The following ACSM4 variants were observed in gnomAD, a reference collection of about 807,000 sequenced individuals.
The protein encoded by ACSM4 is acyl-coenzyme A synthetase ACSM4, mitochondrial.
Under a neutral mutation model 73.0 loss-of-function variants are expected in ACSM4, and 66 were observed. The observed-to-expected ratio is 0.90, with a 90% confidence interval of 0.74 to 1.11. The LOEUF is 1.11. Among genes scored for constraint, ACSM4 ranks in the 50% least tolerant of loss-of-function variants. The pLI is 0.00. For missense variants in ACSM4, 645 were observed against 714.4 expected, an observed-to-expected ratio of 0.90 and a Z score of 1.11; for synonymous variants, 222 against 254.0, an observed-to-expected ratio of 0.87 and a Z score of 1.20.
At chr12:7,310,452 G>A (rs756083153) in intron 2 of ACSM4, 87 bp from the exon 3 acceptor site, 25 of 1,298,322 alleles carry the variant, frequency 1.9e-5, no homozygotes, top group Non-Finnish European at 2.6e-5. Context: ...AATGGATTGT[G>A]ATGCTTCTCC....
In ACSM4 at chr12:7,322,452, G is replaced by A. The variant is rs756182664; in HGVS notation, c.1036G>A (p.Gly346Arg). ...CAAGAGTCTGCGGCACTGCTTGACC[G>A]GAGGGGAGCCACTCAACCCAGAAGT... Reference protein sequence around the residue: ...KFKSLRHCLTGGEPLNPEVLE... With the variant: ...KFKSLRHCLTRGEPLNPEVLE... Residue 346 changes from glycine to arginine, a missense_variant, in exon 7 of 13, where the codon GGA becomes AGA. Physicochemically the swap from Gly to Arg is moderately radical, Grantham distance 125. Coordinates refer to ENST00000399422, the MANE Select transcript of ACSM4 (RefSeq NM_001080454.2). The A allele has an allele frequency of 1.6e-5, 26 of 1,613,728 alleles. No individual in the cohort carries two copies. The highest frequency in any genetic ancestry group is 4.5e-5 in the East Asian group (2 of 44,870).
rs1287866844 is a variant in ACSM4 at position 7,310,670 on chromosome 12, T to C, written c.544T>C (p.Cys182Arg). 1.2e-6 allele frequency: 2 copies of C among 1,613,302 alleles called. No individual in the cohort carries two copies. Among genetic ancestry groups the C allele is most frequent in the Non-Finnish European group, 1.7e-6 (2 of 1,179,720 alleles). ...APAVESIVLECPDLKTKLLVS... is the reference protein window; with the variant it reads ...APAVESIVLERPDLKTKLLVS... ...AGCGGTGGAGTCCATTGTATTGGAG[T>C]GTCCTGACCTTAAGACAAAACTCCT... Residue 182 changes from cysteine (C) to arginine (R), a missense_variant, in exon 3 of 13, where the codon TGT (cysteine) becomes CGT (arginine). By Grantham distance (180) the Cys-to-Arg change is radical (BLOSUM62 -3). Transcript: ENST00000399422.
chr12:7,310,483 A>T, intron 2 of ACSM4, 56 bp from the exon 3 acceptor site: 1 of 1,517,110 alleles, frequency 6.6e-7, no homozygotes, highest in Non-Finnish European at 8.9e-7. Flanking sequence ...ACAAAGCCCA[A>T]GTCTTCCACA....
intron 11 of ACSM4, among the ~76,000 whole-genome samples, chr12:7,325,463 A>T (rs938046869): frequency 6.6e-6 from 1 of 152,228 alleles, no homozygotes; most frequent in Non-Finnish European, 1.5e-5. Flanking sequence ...CCTGGCCAAC[A>T]TGGTGAAACC....
intron 6 of ACSM4, among the ~76,000 whole-genome samples, chr12:7,321,303 G>A (rs745313621): frequency 6.6e-6 from 1 of 152,260 alleles, no homozygotes; most frequent in African/African-American, 2.4e-5. Context: ...TGACTTGAAG[G>A]TCATATTCAA....
intron 2 of ACSM4, among the ~76,000 whole-genome samples, chr12:7,309,199 G>A (rs11050087): frequency 0.42 from 63,235 of 152,026 alleles, 14,482 homozygotes; most frequent in Non-Finnish European, 0.52. Flanking sequence ...ATGAAATGAG[G>A]AGGTGAGATA....
chr12:7,317,926 C>A, intron 4 of ACSM4, 100 bp from the exon 5 acceptor site: 1 of 1,295,866 alleles, frequency 7.7e-7, no homozygotes, highest in Non-Finnish European at 1.1e-6. Flanking sequence ...TTCTCTGTAG[C>A]CCTTAAGATA....
chr12:7,323,461 T>G lies in ACSM4; in HGVS notation c.1209T>G (p.Ile403Met). The change falls in exon 9 of 13, where the codon ATT (isoleucine) becomes ATG (methionine). Residue 403 changes from isoleucine (I) to methionine (M), a missense_variant and splice_region_variant. Ile to Met is a conservative substitution (Grantham distance 10, BLOSUM62 1). Coordinates refer to ENST00000399422, the MANE Select transcript of ACSM4 (RefSeq NM_001080454.2). ...GKGMLPYDVQ[I>M]IDENGNVLPP... ...ATCAATTATTTCTTTCATTCCAGAT[T>G]ATAGATGAAAATGGCAATGTTCTAC... 1 of 1,613,708 alleles carries G rather than the reference T, an allele frequency of 6.2e-7. No homozygotes were observed. Among genetic ancestry groups the G allele is most frequent in the Admixed American group, 1.7e-5 (1 of 60,016 alleles).
chr12:7,317,041 T>C, intron 3 of ACSM4, 96 bp from the exon 4 acceptor site: 1 of 1,412,146 alleles, frequency 7.1e-7, no homozygotes, highest in Non-Finnish European at 9.5e-7. Flanking sequence ...AACTATCTTC[T>C]GGTAGCAAGA....
intron 1 of ACSM4, among the ~76,000 whole-genome samples, chr12:7,305,487 A>G (rs1946356816): frequency 6.6e-6 from 1 of 152,244 alleles, no homozygotes; most frequent in Non-Finnish European, 1.5e-5. Context: ...AAGATTGAGA[A>G]ATACTGACCT....
chr12:7,317,036 T>C (rs1245767239), intron 3 of ACSM4, 101 bp from the exon 4 acceptor site: 8 of 1,397,234 alleles, frequency 5.7e-6, no homozygotes, highest in Non-Finnish European at 1.9e-6. Flanking sequence ...CTGTTAACTA[T>C]CTTCTGGTAG....
intron 2 of ACSM4, among the ~76,000 whole-genome samples, chr12:7,307,184 G>A (rs1946367088): frequency 6.6e-6 from 1 of 152,190 alleles, no homozygotes. Flanking sequence ...AACCCGGGAG[G>A]TGGAGGTTTC....
At chr12:7,307,901 T>A (rs938438834) in intron 2 of ACSM4, among the ~76,000 whole-genome samples, 2 of 152,202 alleles carry the variant, frequency 1.3e-5, no homozygotes, top group Non-Finnish European at 2.9e-5. Context: ...TAAATGTTTA[T>A]AAGTCAATTA....
At chr12:7,306,785 G>T (rs761292569) in intron 2 of ACSM4, 42 bp downstream of exon 2, 2 of 1,527,420 alleles carry the variant, frequency 1.3e-6, no homozygotes, top group East Asian at 4.9e-5. Flanking sequence ...CAAACACAGA[G>T]AGACTGAAAC....
chr12:7,317,256 G>A lies in ACSM4; in HGVS notation c.740G>A (p.Gly247Asp), dbSNP rs774685519. ...GCCCAGCACTCTCAGAGCAGCCTCG[G>A]CATTGGGTTCACCCTCTGCGGAAGG... ...KMAQHSQSSL[G>D]IGFTLCGRYW... Residue 247 changes from glycine (G) to aspartate (D), a missense_variant, in exon 4 of 13, where the codon GGC (glycine) becomes GAC (aspartate). Physicochemically the swap from Gly to Asp is moderately conservative, Grantham distance 94. Coordinates refer to ENST00000399422, the MANE Select transcript of ACSM4 (RefSeq NM_001080454.2). The A allele has an allele frequency of 6.3e-7, 1 of 1,584,848 alleles. No individual in the cohort carries two copies. Among genetic ancestry groups the A allele is most frequent in the Non-Finnish European group, 8.6e-7 (1 of 1,165,160 alleles).
chr12:7,327,595 A>G (rs1212133411), intron 12 of ACSM4, among the ~76,000 whole-genome samples: 1 of 152,220 alleles, frequency 6.6e-6, no homozygotes, highest in Non-Finnish European at 1.5e-5. Flanking sequence ...AAATACATGA[A>G]GATGGCCCTG....
At chr12:7,307,477 A>AGAT (rs1946368247) in intron 2 of ACSM4, among the ~76,000 whole-genome samples, 1 of 152,212 alleles carries the variant, frequency 6.6e-6, no homozygotes, top group South Asian at 2.1e-4. Flanking sequence ...AACAAAAAAA[A>AGAT]GATACAACAA....
chr12:7,304,313 A>G lies in ACSM4; in HGVS notation c.-19A>G. 2 of 1,612,838 alleles carry G rather than the reference A, an allele frequency of 1.2e-6. No individual in the cohort carries two copies. Among genetic ancestry groups the G allele is most frequent in the Non-Finnish European group, 1.7e-6 (2 of 1,178,904 alleles). On this transcript the variant is annotated 5_prime_UTR_variant, in exon 1 of 13. Transcript: ENST00000399422. ...AGTACTTCTGTGTCCATAGCAGTAGACAAAGTCCTTTGGGAACCATGAAGA... is the reference window on the plus strand; with the variant it reads ...AGTACTTCTGTGTCCATAGCAGTAGGCAAAGTCCTTTGGGAACCATGAAGA...
At chr12:7,310,274 A>G (rs527854666) in intron 2 of ACSM4, among the ~76,000 whole-genome samples, 60 of 152,220 alleles carry the variant, frequency 3.9e-4, no homozygotes, top group Non-Finnish European at 7.8e-4. Flanking sequence ...CAGATAAGGA[A>G]AGAAAGGCAC....
Sources: gnomAD v4.1 joint callset for allele counts (sites outside exome capture counted in the v4.1 genomes callset) on GRCh38, gnomAD v4.1.1 for gene constraint, MANE v1.5 for transcripts, NCBI Gene and HGNC (gene_info 2026-07-23, HGNC 2026-07-21) for gene names.